The following PTPRM variants were observed in gnomAD, a reference collection of about 807,000 sequenced individuals.
The protein encoded by PTPRM is protein tyrosine phosphatase receptor type M, also known as receptor-type tyrosine-protein phosphatase mu.
A neutral mutation model predicts 186.7 loss-of-function variants in PTPRM; 47 were observed. The ratio of observed to expected loss-of-function variants is 0.25; its 90% CI spans 0.20 to 0.32. The LOEUF (loss-of-function observed/expected upper bound fraction) is 0.32. PTPRM is among the 10% of genes least tolerant of loss of function. PTPRM has a pLI of 1.00. For synonymous variants in PTPRM, 668 were observed against 674.9 expected (o/e 0.99, Z 0.16); for missense variants, 1,494 against 1,865.0 (o/e 0.80, Z 3.66).
chr18:8,027,633 C>G (rs1844096212), intron 7 of PTPRM, among the ~76,000 whole-genome samples: 1 of 152,080 alleles, frequency 6.6e-6, no homozygotes, highest in Non-Finnish European at 1.5e-5. Context: ...GGCAAAATAA[C>G]AAACCAACAT....
chr18:7,846,306 T>G (rs903885327), intron 2 of PTPRM, among the ~76,000 whole-genome samples: 2 of 152,246 alleles, frequency 1.3e-5, no homozygotes, highest in Non-Finnish European at 2.9e-5. Flanking sequence ...TTTTGGTTGA[T>G]TTGTTTTTGT....
chr18:8,189,819 G>A (rs2093687881), intron 14 of PTPRM, among the ~76,000 whole-genome samples: 1 of 152,164 alleles, frequency 6.6e-6, no homozygotes, highest in Non-Finnish European at 1.5e-5. Flanking sequence ...ACAAGATAGT[G>A]TTCGTCAGTT....
At chr18:8,331,850 T>C (rs1211852051) in intron 22 of PTPRM, among the ~76,000 whole-genome samples, 1 of 152,226 alleles carries the variant, frequency 6.6e-6, no homozygotes, top group Non-Finnish European at 1.5e-5. Flanking sequence ...AAAAGCATAT[T>C]TTCCTTCTGT....
Position 7,651,726 on chromosome 18 carries a change from C to T in PTPRM, c.73+83835C>T, listed in dbSNP as rs544068830. Reference sequence around the variant, plus strand: ...GTAGAAAGCTGAAACTGGATCCCTTCGTTACACCTTATACAAAAATCAATT... The same window carrying T: ...GTAGAAAGCTGAAACTGGATCCCTTTGTTACACCTTATACAAAAATCAATT... On this transcript the variant is annotated intron_variant, in intron 1 of 32. Transcript: ENST00000580170. Among the ~76,000 whole-genome samples, 91 of 152,222 alleles carry T rather than the reference C, an allele frequency of 6.0e-4. 1 individual carries two copies. Among genetic ancestry groups the T allele is most frequent in the African/African-American group, 1.9e-3 (78 of 41,518 alleles).
chr18:7,900,071 C>T (rs1173586594), intron 3 of PTPRM, among the ~76,000 whole-genome samples: 3 of 152,106 alleles, frequency 2.0e-5, no homozygotes, highest in Non-Finnish European at 4.4e-5. Flanking sequence ...TCTTGTTAAT[C>T]AGAGTATTGA....
chr18:8,171,588 C>T (rs2093401854), intron 14 of PTPRM, among the ~76,000 whole-genome samples: 1 of 152,106 alleles, frequency 6.6e-6, no homozygotes, highest in Non-Finnish European at 1.5e-5. Context: ...GTTTCTATGT[C>T]CATGTCCTGT....
intron 2 of PTPRM, among the ~76,000 whole-genome samples, chr18:7,838,603 C>G (rs753453802): frequency 6.6e-6 from 1 of 152,232 alleles, no homozygotes; most frequent in Non-Finnish European, 1.5e-5. Context: ...TAGAATTGCT[C>G]TGGGTCAAAC....
intron 20 of PTPRM, among the ~76,000 whole-genome samples, chr18:8,310,373 T>G (rs1048800146): frequency 2.6e-5 from 4 of 151,408 alleles, no homozygotes; most frequent in African/African-American, 4.9e-5. Context: ...GTGCTCAGGA[T>G]GAAGGTCCTA....
Position 8,143,151 on chromosome 18 carries a change from A to G in PTPRM, c.2168-496A>G, listed in dbSNP as rs569115934. 4.5e-3 allele frequency among the ~76,000 whole-genome samples: 687 copies of G among 152,312 alleles called. 3 individuals carry two copies. Among genetic ancestry groups the G allele is most frequent in the Non-Finnish European group, 7.2e-3 (487 of 68,022 alleles). The stretch of plus-strand genomic sequence containing the variant: ...AAAAACTCTATTGTGTTAAAAAACA[A>G]TTGCTGGTAAAAATGCATGGTAAAT... On this transcript the variant is annotated intron_variant, in intron 13 of 32. Transcript: ENST00000580170.
intron 7 of PTPRM, among the ~76,000 whole-genome samples, chr18:8,010,138 G>T (rs2084435260): frequency 6.6e-6 from 1 of 152,034 alleles, no homozygotes; most frequent in African/African-American, 2.4e-5. Flanking sequence ...TTCTGTAATG[G>T]GATGTTATAC....
In PTPRM at chr18:8,153,651, T is replaced by C. The variant is rs75268569; in HGVS notation, c.2300+9872T>C. Among the ~76,000 whole-genome samples the C allele has an allele frequency of 5.0e-3, 766 of 152,334 alleles. 17 individuals carry two copies. Among genetic ancestry groups the C allele is most frequent in the Admixed American group, 0.038 (577 of 15,294 alleles). ...GTCTTGTACAAACTATCATATTCCA[T>C]AGAAATTCTTAAAACGTCTAATTGT... On this transcript the variant is annotated intron_variant, in intron 14 of 32. Transcript: ENST00000580170.
At chr18:7,971,206 G>T (rs2054508625) in intron 7 of PTPRM, among the ~76,000 whole-genome samples, 1 of 60,514 alleles carries the variant, frequency 1.7e-5, no homozygotes, top group African/African-American at 8.3e-5. Context: ...ACAAGCAATG[G>T]GGAAAGGATT....
chr18:8,279,845 G>A (rs919182054), intron 19 of PTPRM, among the ~76,000 whole-genome samples: 3 of 152,098 alleles, frequency 2.0e-5, no homozygotes, highest in Non-Finnish European at 2.9e-5. Context: ...TTTCTGCTTC[G>A]TTTACTCCAA....
intron 15 of PTPRM, among the ~76,000 whole-genome samples, chr18:8,247,354 G>A (rs1168320065): frequency 6.6e-6 from 1 of 152,178 alleles, no homozygotes; most frequent in African/African-American, 2.4e-5. Context: ...CACGCATGGA[G>A]CACCACCTTT....
intron 4 of PTPRM, among the ~76,000 whole-genome samples, chr18:7,916,860 ACC>A (rs2146678912): frequency 6.6e-6 from 1 of 152,270 alleles, no homozygotes; most frequent in African/African-American, 2.4e-5. Flanking sequence ...AATTATAGTC[ACC>A]CTACAGTACT....
intron 14 of PTPRM, among the ~76,000 whole-genome samples, chr18:8,219,200 G>T (rs530207138): frequency 6.6e-6 from 1 of 152,354 alleles, no homozygotes; most frequent in Non-Finnish European, 1.5e-5. Flanking sequence ...AAGCCCGGTG[G>T]CTTACGCCTG....
At chr18:8,376,224 T>G (rs1309702540) in intron 25 of PTPRM, 24 bp downstream of exon 25, 5 of 1,603,148 alleles carry the variant, frequency 3.1e-6, no homozygotes, top group South Asian at 1.1e-5. Flanking sequence ...CAGAGCCTCT[T>G]GAAGGAAACG....
At chr18:7,935,475 G>T (rs1022572607) in intron 5 of PTPRM, among the ~76,000 whole-genome samples, 7 of 151,944 alleles carry the variant, frequency 4.6e-5, no homozygotes, top group Admixed American at 3.9e-4. Flanking sequence ...CATGTCTAGG[G>T]ATACTCTAGA....
At chr18:7,984,598 T>TACACACACAC (rs1426131645) in intron 7 of PTPRM, among the ~76,000 whole-genome samples, 6 of 115,112 alleles carry the variant, frequency 5.2e-5, no homozygotes, top group African/African-American at 2.1e-4. Flanking sequence ...TATATATATA[T>TACACACACAC]ATATACACAC....
Sources: allele counts gnomAD v4.1 joint callset (sites outside exome capture counted in the v4.1 genomes callset), GRCh38; gene constraint gnomAD v4.1.1; transcripts MANE v1.5; gene names NCBI Gene and HGNC (gene_info 2026-07-23, HGNC 2026-07-21).